CHD6: variants seen among roughly 807,000 people sequenced by gnomAD.
CHD6 encodes ATP-dependent chromatin remodeler CHD6.
Under a neutral mutation model 276.9 loss-of-function variants are expected in CHD6, and 50 were observed. The ratio of observed to expected loss-of-function variants is 0.18; its 90% CI spans 0.14 to 0.23. The LOEUF is 0.23. Among genes scored for constraint, CHD6 ranks in the 10% least tolerant of loss-of-function variants. The pLI is 1.00. For missense variants in CHD6, 2,564 were observed against 3,365.8 expected (o/e 0.76, Z 5.89); for synonymous variants, 1,173 against 1,229.3 (o/e 0.95, Z 0.96).
In CHD6 at chr20:41,491,746, TC is replaced by T; in HGVS notation, c.1387del (p.Glu463SerfsTer7). On this transcript the variant is annotated frameshift_variant, in exon 11 of 37. Coordinates refer to ENST00000373233, the MANE Select transcript of CHD6 (RefSeq NM_032221.5). LOFTEE classifies it high-confidence loss of function. ...REYKNSNQLR[E>X]YQLEGMNWLL... is the part of the protein sequence containing the mutation. Reference sequence around the variant, plus strand: ...CCAGTTCATCCCTTCCAGCTGGTACTCCCGGAGCTGGTTACTGTTCTTATAC... The same window carrying T: ...CCAGTTCATCCCTTCCAGCTGGTACTCCGGAGCTGGTTACTGTTCTTATAC... 6.2e-7 allele frequency: 1 copy of T among 1,613,788 alleles called. No homozygotes were observed. Among genetic ancestry groups the T allele is most frequent in the South Asian group, 1.1e-5 (1 of 91,072 alleles).
In CHD6 at chr20:41,445,786, T is replaced by C. The variant is rs370030811; in HGVS notation, c.3774-18A>G. On this transcript the variant is annotated intron_variant, in intron 24 of 36. Transcript: ENST00000373233. ...CCAGCTCCCTAGGGAAGGAAGGGTGTAGACTCAAAACAACACAAAAGCTAC... is the reference window on the plus strand; with the variant it reads ...CCAGCTCCCTAGGGAAGGAAGGGTGCAGACTCAAAACAACACAAAAGCTAC... The C allele has an allele frequency of 6.5e-6, 10 of 1,546,852 alleles. No individual in the cohort carries two copies. In the African/African-American group the frequency reaches 1.4e-4, roughly 21 times the overall value.
chr20:41,524,626 C>T (rs1379710320), intron 3 of CHD6, among the ~76,000 whole-genome samples: 1 of 152,166 alleles, frequency 6.6e-6, no homozygotes, highest in African/African-American at 2.4e-5. Flanking sequence ...TGACTGATGC[C>T]TCTCTAACCC....
chr20:41,507,255 C>T lies in CHD6; in HGVS notation c.852+5591G>A, dbSNP rs911386127. The stretch of plus-strand genomic sequence containing the variant: ...TACAATTCAGAATATTTAACTAGGA[C>T]CAAATCTAAAGAAACTTTAATACAT... On this transcript the variant is annotated intron_variant, in intron 5 of 36. Coordinates refer to ENST00000373233, the MANE Select transcript of CHD6 (RefSeq NM_032221.5). Among the ~76,000 whole-genome samples, 10 of 152,130 alleles carry T rather than the reference C, an allele frequency of 6.6e-5. No homozygotes were observed. In the South Asian group the frequency reaches 1.9e-3, roughly 28 times the overall value.
chr20:41,567,070 C>T (rs1037398888), intron 1 of CHD6, among the ~76,000 whole-genome samples: 5 of 152,212 alleles, frequency 3.3e-5, no homozygotes, highest in African/African-American at 9.7e-5. Flanking sequence ...CTATGGCCTA[C>T]ACAGCTCTTA....
At chr20:41,507,548 G>A (rs1488337840) in intron 5 of CHD6, among the ~76,000 whole-genome samples, 1 of 152,156 alleles carries the variant, frequency 6.6e-6, no homozygotes, top group Non-Finnish European at 1.5e-5. Context: ...GAAGGGAGCT[G>A]GAAAATCAGG....
chr20:41,517,565 CCTTTT>C (rs2044282518), intron 3 of CHD6, among the ~76,000 whole-genome samples: 1 of 152,196 alleles, frequency 6.6e-6, no homozygotes, highest in African/African-American at 2.4e-5. Context: ...AAAAGTTCTT[CCTTTT>C]CTTATCAGTT....
At chr20:41,556,144 C>T (rs966350432) in intron 1 of CHD6, among the ~76,000 whole-genome samples, 12 of 152,116 alleles carry the variant, frequency 7.9e-5, no homozygotes, top group Non-Finnish European at 1.2e-4. Flanking sequence ...CGCAGGCACT[C>T]GGCAGGCTGA....
intron 2 of CHD6, among the ~76,000 whole-genome samples, chr20:41,546,932 C>G (rs1015264981): frequency 3.3e-5 from 5 of 152,168 alleles, no homozygotes; most frequent in African/African-American, 9.7e-5. Flanking sequence ...CTATTATGCC[C>G]TTTCTGGTTA....
At chr20:41,495,718 G>A (rs767557598) in intron 8 of CHD6, among the ~76,000 whole-genome samples, 31 of 152,190 alleles carry the variant, frequency 2.0e-4, no homozygotes, top group Non-Finnish European at 1.5e-5. Flanking sequence ...GTAAACATAC[G>A]TTAAAACATC....
intron 26 of CHD6, among the ~76,000 whole-genome samples, chr20:41,438,517 G>A (rs1038239162): frequency 1.3e-5 from 2 of 152,034 alleles, no homozygotes; most frequent in Non-Finnish European, 2.9e-5. Context: ...TTGAAACTGG[G>A]AGGTGGAGGC....
intron 3 of CHD6, among the ~76,000 whole-genome samples, chr20:41,529,228 A>G (rs1208017053): frequency 2.6e-5 from 4 of 152,220 alleles, no homozygotes; most frequent in African/African-American, 9.6e-5. Context: ...GATACCTTAT[A>G]CAGGTCTTAT....
chr20:41,450,458 GTT>G (rs879440051), intron 23 of CHD6, among the ~76,000 whole-genome samples: 5 of 142,588 alleles, frequency 3.5e-5, no homozygotes, highest in Non-Finnish European at 1.5e-5. Context: ...TTTTCAATCA[GTT>G]TTTTTTTTTT....
intron 1 of CHD6, among the ~76,000 whole-genome samples, chr20:41,571,036 A>C (rs901797216): frequency 1.3e-5 from 2 of 152,004 alleles, no homozygotes; most frequent in African/African-American, 4.8e-5. Context: ...CTCTCCTATC[A>C]CCACCAGTTC....
chr20:41,592,878 T>A (rs1410038521), intron 1 of CHD6, among the ~76,000 whole-genome samples: 1 of 152,154 alleles, frequency 6.6e-6, no homozygotes, highest in Non-Finnish European at 1.5e-5. Flanking sequence ...CATACCATTA[T>A]AATAAATACT....
chr20:41,608,023 C>T (rs975099500), intron 1 of CHD6, among the ~76,000 whole-genome samples: 2 of 152,102 alleles, frequency 1.3e-5, no homozygotes, highest in Non-Finnish European at 2.9e-5. Flanking sequence ...TCCTAATGAC[C>T]ACACGATGAA....
intron 29 of CHD6, 130 bp from the exon 30 acceptor site, chr20:41,423,830 T>C (rs2047275558): frequency 4.4e-6 from 3 of 684,530 alleles, no homozygotes; most frequent in Non-Finnish European, 7.3e-6. Flanking sequence ...GTCTCTTTTA[T>C]TATTTTTATT....
rs939674577 is a variant in CHD6, at chr20:41,403,312, T to C, written c.*1281A>G. On this transcript the variant is annotated 3_prime_UTR_variant, in exon 37 of 37. Transcript: ENST00000373233. ...TTACTTCAAGTCTCAGAGTGTGAAC[T>C]ACCTGTGAAGAGTGAGACCATCAGA... The C allele has an allele frequency of 3.7e-5, 39 of 1,063,256 alleles. No individual in the cohort carries two copies. The highest frequency in any genetic ancestry group is 4.9e-5 in the African/African-American group (3 of 60,954). 65.9% of individuals were successfully genotyped at this position (1,063,256 alleles called of 1,614,324 possible). A position where few individuals can be genotyped will look rare whatever the true frequency, so the allele number is the denominator to read the frequency against.
At chr20:41,613,804 G>A (rs995582291) in intron 1 of CHD6, among the ~76,000 whole-genome samples, 1 of 152,120 alleles carries the variant, frequency 6.6e-6, no homozygotes. Flanking sequence ...ACAATGGATT[G>A]TCCGCCTATA....
At chr20:41,405,652 G>A (rs914030671) in intron 36 of CHD6, among the ~76,000 whole-genome samples, 163 bp from the exon 37 acceptor site, 1 of 152,206 alleles carries the variant, frequency 6.6e-6, no homozygotes, top group Non-Finnish European at 1.5e-5. Context: ...TCTCTGGCCT[G>A]ACTGTACCTG....
Sources: allele counts gnomAD v4.1 joint callset (sites outside exome capture counted in the v4.1 genomes callset), GRCh38; gene constraint gnomAD v4.1.1; transcripts MANE v1.5; gene names NCBI Gene and HGNC (gene_info 2026-07-23, HGNC 2026-07-21).